Variants in PIK3R5 observed in about 807,000 individuals in gnomAD.
PIK3R5 encodes phosphoinositide-3-kinase regulatory subunit 5.
A neutral mutation model predicts 94.9 loss-of-function variants in PIK3R5; 32 were observed. That is an observed-to-expected ratio of 0.34 (90% confidence interval 0.25 to 0.45). The LOEUF (loss-of-function observed/expected upper bound fraction) is 0.45, where lower values mean the gene tolerates loss of function less well. Ranked by LOEUF, PIK3R5 falls within the 20% of genes least tolerant of loss-of-function variation. The pLI is 1.00. For missense variants in PIK3R5, 853 were observed against 1,144.6 expected, an observed-to-expected ratio of 0.75 and a Z score of 3.68; for synonymous variants, 443 against 479.4, an observed-to-expected ratio of 0.92 and a Z score of 0.99.
At position 8,911,660 on chromosome 17, in the gene PIK3R5, C is replaced by G; in HGVS notation, c.-13-153G>C. Reference sequence around the variant, plus strand: ...GGAAACAGGACCAGGGGCCTTACAGCTGCCTCCAGGGTAGGAATGGCATCT... The same window carrying G: ...GGAAACAGGACCAGGGGCCTTACAGGTGCCTCCAGGGTAGGAATGGCATCT... On this transcript the variant is annotated intron_variant, in intron 1 of 18. Coordinates refer to ENST00000447110, the MANE Select transcript of PIK3R5 (RefSeq NM_001142633.3). This position sits in a 1 kb window ranked among gnomAD's most constrained non-coding sequence, Gnocchi z 5.3. 3.4e-6 allele frequency: 2 copies of G among 587,810 alleles called. No individual in the cohort carries two copies. Among genetic ancestry groups the G allele is most frequent in the Non-Finnish European group, 6.1e-6 (2 of 329,498 alleles). 36.4% of individuals were successfully genotyped at this position (587,810 alleles called of 1,614,324 possible). A position where few individuals can be genotyped will look rare whatever the true frequency, so the allele number is the denominator to read the frequency against.
In PIK3R5 at chr17:8,890,163, C is replaced by T; in HGVS notation, c.658-37G>A. 1 of 1,607,150 alleles carries T rather than the reference C, an allele frequency of 6.2e-7. No individual in the cohort carries two copies. The highest frequency in any genetic ancestry group is 8.5e-7 in the Non-Finnish European group (1 of 1,175,812). On this transcript the variant is annotated intron_variant, in intron 7 of 18. Coordinates refer to ENST00000447110, the MANE Select transcript of PIK3R5 (RefSeq NM_001142633.3). This position sits in a 1 kb window ranked among gnomAD's most constrained non-coding sequence, Gnocchi z 6.1. ...GGAGGAGATGGGCTTTGCTCCTGGA[C>T]CGTGAGCTAGCTGTCCACCTGTTCC...
chr17:8,910,783 G>A (rs1057303307), intron 2 of PIK3R5, among the ~76,000 whole-genome samples: 1 of 152,096 alleles, frequency 6.6e-6, no homozygotes, highest in Non-Finnish European at 1.5e-5. Context: ...TATGTTCAAG[G>A]AGCACTGGGT....
At chr17:8,908,011 T>G (rs1410406283) in intron 3 of PIK3R5, among the ~76,000 whole-genome samples, 1 of 152,224 alleles carries the variant, frequency 6.6e-6, no homozygotes, top group African/African-American at 2.4e-5. Context: ...TTTATTTTAG[T>G]ATCGCTTTTT....
intron 1 of PIK3R5, among the ~76,000 whole-genome samples, chr17:8,930,370 A>G (rs923416776): frequency 6.6e-6 from 1 of 152,254 alleles, no homozygotes; most frequent in African/African-American, 2.4e-5. Flanking sequence ...GTCTCAAGAG[A>G]AATCCAAAAA....
chr17:8,882,086 G>T lies in PIK3R5; in HGVS notation c.2206-205C>A. 1.7e-6 allele frequency: 1 copy of T among 580,064 alleles called. No homozygotes were observed. Among genetic ancestry groups the T allele is most frequent in the Non-Finnish European group, 3.1e-6 (1 of 323,956 alleles). The allele number at this position is 580,064 out of a possible 1,614,324, so 35.9% of individuals were successfully genotyped here. A position where few individuals can be genotyped will look rare whatever the true frequency, so the allele number is the denominator to read the frequency against. On this transcript the variant is annotated intron_variant, in intron 15 of 18. Coordinates refer to ENST00000447110, the MANE Select transcript of PIK3R5 (RefSeq NM_001142633.3). This position sits in a 1 kb window ranked among gnomAD's most constrained non-coding sequence, Gnocchi z 4.1. ...GCTCACGTCACTGGCTTGGTCTAGGGGTCAGCAGCCTCTGTGACCAGGTTG... is the reference window on the plus strand; with the variant it reads ...GCTCACGTCACTGGCTTGGTCTAGGTGTCAGCAGCCTCTGTGACCAGGTTG...
At chr17:8,923,916 C>T (rs1255354737) in intron 1 of PIK3R5, among the ~76,000 whole-genome samples, 2 of 130,992 alleles carry the variant, frequency 1.5e-5, no homozygotes, top group Non-Finnish European at 3.2e-5. Context: ...CCTTCCCTTC[C>T]CTTTTCAAGA....
At position 8,888,427 on chromosome 17, in the gene PIK3R5, T is replaced by A. The variant is rs1597376152; in HGVS notation, c.1360A>T (p.Arg454Trp). 1 of 1,598,242 alleles carries A rather than the reference T, an allele frequency of 6.3e-7. No homozygotes were observed. Among genetic ancestry groups the A allele is most frequent in the Admixed American group, 1.8e-5 (1 of 57,100 alleles). The change falls in exon 10 of 19, where the codon AGG becomes TGG. Residue 454 changes from arginine to tryptophan, a missense_variant. Transcript: ENST00000447110. This position sits in a 1 kb window ranked among gnomAD's most constrained non-coding sequence, Gnocchi z 7.8. ...GGGCTGCAGAGGCTCCCTGCCCGCCTCAGGGGCAGGGCCGTGTCCGAGCTG... is the reference window on the plus strand; with the variant it reads ...GGGCTGCAGAGGCTCCCTGCCCGCCACAGGGGCAGGGCCGTGTCCGAGCTG... ...EGSSDTALPL[R>W]RAGSLCSPLD...
intron 1 of PIK3R5, among the ~76,000 whole-genome samples, chr17:8,922,090 G>A (rs768210481): frequency 3.5e-5 from 5 of 143,302 alleles, no homozygotes; most frequent in African/African-American, 5.0e-5. Flanking sequence ...CAAACCACCC[G>A]ATTTGTTCAT....
rs908212359 is a variant in PIK3R5 at position 8,904,241 on chromosome 17, T to G, written c.412+536A>C. ...GCATGTCTATGACAGCACCTGCAATTTCTGAAGAATTCTTACTTTTCAGAC... is the reference window on the plus strand; with the variant it reads ...GCATGTCTATGACAGCACCTGCAATGTCTGAAGAATTCTTACTTTTCAGAC... On this transcript the variant is annotated intron_variant, in intron 5 of 18. Coordinates refer to ENST00000447110, the MANE Select transcript of PIK3R5 (RefSeq NM_001142633.3). This position sits in a 1 kb window ranked among gnomAD's most constrained non-coding sequence, Gnocchi z 5.1. Among the ~76,000 whole-genome samples the G allele has an allele frequency of 3.3e-5, 5 of 152,200 alleles. No homozygotes were observed. Among genetic ancestry groups the G allele is most frequent in the Non-Finnish European group, 5.9e-5 (4 of 68,032 alleles).
chr17:8,960,817 A>G (rs1197735602), intron 1 of PIK3R5, among the ~76,000 whole-genome samples: 1 of 152,186 alleles, frequency 6.6e-6, no homozygotes, highest in Non-Finnish European at 1.5e-5. Flanking sequence ...CATGAAAATG[A>G]AAAGCACACC....
intron 1 of PIK3R5, among the ~76,000 whole-genome samples, chr17:8,926,375 GA>G (rs1047923898): frequency 6.6e-6 from 1 of 151,642 alleles, no homozygotes; most frequent in Non-Finnish European, 1.5e-5. Context: ...CTTCCAGTTT[GA>G]AAAAAAATGT....
At chr17:8,948,103 C>T (rs964530458) in intron 1 of PIK3R5, among the ~76,000 whole-genome samples, 35 of 135,694 alleles carry the variant, frequency 2.6e-4, no homozygotes, top group Admixed American at 5.0e-4. Context: ...ATGCAGCATA[C>T]ATCAAAAAGG....
At chr17:8,894,286 A>G (rs9944455) in intron 5 of PIK3R5, among the ~76,000 whole-genome samples, 3 of 152,266 alleles carry the variant, frequency 2.0e-5, no homozygotes, top group African/African-American at 7.2e-5. Context: ...CTTGTGCCGC[A>G]GGGCTACTCC....
At chr17:8,931,127 C>T (rs2090979577) in intron 1 of PIK3R5, among the ~76,000 whole-genome samples, 1 of 152,164 alleles carries the variant, frequency 6.6e-6, no homozygotes, top group African/African-American at 2.4e-5. Flanking sequence ...AAAAACAAAA[C>T]TTAAAAGCCT....
Position 8,881,907 on chromosome 17 carries a change from T to A in PIK3R5, c.2206-26A>T. The A allele has an allele frequency of 6.3e-7, 1 of 1,587,056 alleles. No homozygotes were observed. The highest frequency in any genetic ancestry group is 8.6e-7 in the Non-Finnish European group (1 of 1,158,916). On this transcript the variant is annotated intron_variant, in intron 15 of 18. Coordinates refer to ENST00000447110, the MANE Select transcript of PIK3R5 (RefSeq NM_001142633.3). The surrounding 1 kb of genome is among the most constrained non-coding windows in gnomAD (Gnocchi z 4.8). ...CTGGAAATGCAGTGTAGCCAGACCC[T>A]CTGAGTCCAGAGGCCCCGGTGCCTG...
chr17:8,884,924 G>T lies in PIK3R5; in HGVS notation c.2129-141C>A. The T allele has an allele frequency of 4.4e-6, 3 of 674,572 alleles. No individual in the cohort carries two copies. The highest frequency in any genetic ancestry group is 3.4e-5 in the South Asian group (2 of 59,460). 41.8% of individuals were successfully genotyped at this position (674,572 alleles called of 1,614,324 possible). ...CTCCCTAGGGATCTGTCTCACCAAG[G>T]CCCTGCCTCTCTCTCTGGCTCCACG... On this transcript the variant is annotated intron_variant, in intron 14 of 18. Coordinates refer to ENST00000447110, the MANE Select transcript of PIK3R5 (RefSeq NM_001142633.3). This position sits in a 1 kb window ranked among gnomAD's most constrained non-coding sequence, Gnocchi z 5.8.
chr17:8,959,498 C>T (rs1384304181), intron 1 of PIK3R5, among the ~76,000 whole-genome samples: 2 of 152,142 alleles, frequency 1.3e-5, no homozygotes, highest in African/African-American at 2.4e-5. Context: ...TGATCTTTCG[C>T]TTTCATCAGT....
chr17:8,922,169 G>A (rs1013384988), intron 1 of PIK3R5, among the ~76,000 whole-genome samples: 14 of 146,870 alleles, frequency 9.5e-5, no homozygotes, highest in African/African-American at 3.2e-4. Flanking sequence ...GGGTGGGAGA[G>A]AAGGAGGGAG....
chr17:8,938,210 A>G (rs982520956), intron 1 of PIK3R5, among the ~76,000 whole-genome samples: 8 of 152,242 alleles, frequency 5.3e-5, no homozygotes, highest in African/African-American at 1.9e-4. Flanking sequence ...TTTAATAGAT[A>G]TAGGCCTATT....
Sources: allele counts gnomAD v4.1 joint callset (sites outside exome capture counted in the v4.1 genomes callset), GRCh38; gene constraint gnomAD v4.1.1; non-coding constraint Gnocchi (gnomAD v3.1); transcripts MANE v1.5; gene names NCBI Gene and HGNC (gene_info 2026-07-23, HGNC 2026-07-21).